The following FAM177A1 variants were observed in gnomAD, a reference collection of about 807,000 sequenced individuals.
The protein encoded by FAM177A1 is protein FAM177A1.
Under a neutral mutation model 26.1 loss-of-function variants are expected in FAM177A1, and 22 were observed. The ratio of observed to expected loss-of-function variants is 0.84; its 90% CI spans 0.60 to 1.20. The LOEUF is 1.20. Ranked by LOEUF, FAM177A1 falls within the 50% of genes most tolerant of loss-of-function variation. The pLI is 0.00. For missense variants in FAM177A1, 296 were observed against 291.1 expected, an observed-to-expected ratio of 1.02 and a Z score of -0.12; for synonymous variants, 95 against 99.3, an observed-to-expected ratio of 0.96 and a Z score of 0.26.
At chr14:35,051,316 C>T (rs2044966367) in intron 1 of FAM177A1, among the ~76,000 whole-genome samples, 1 of 152,058 alleles carries the variant, frequency 6.6e-6, no homozygotes, top group Admixed American at 6.6e-5. Flanking sequence ...GACAGGGTTT[C>T]ACCATGTTGG....
At chr14:35,053,602 A>AT (rs1169077388) in intron 2 of FAM177A1, 151 bp downstream of exon 2, 2 of 746,362 alleles carry the variant, frequency 2.7e-6, no homozygotes, top group Admixed American at 2.9e-5. Context: ...AGAAAATAAT[A>AT]TTTTTACATG....
In FAM177A1 at chr14:35,046,689, G is replaced by A. The variant is rs543069717; in HGVS notation, c.165+61G>A. 1.4e-4 allele frequency: 203 copies of A among 1,485,438 alleles called. 1 individual carries two copies. The South Asian group carries it at 2.3e-3, about 17-fold the overall frequency. 92.0% of individuals were successfully genotyped at this position (1,485,438 alleles called of 1,614,324 possible). On this transcript the variant is annotated intron_variant, in intron 1 of 4. Transcript: ENST00000280987. ...CGAGCCGCCTCCTTGCCTTCTCCGC[G>A]GGCCGCTCTTTTAGCCTGCGCGGCC... is the stretch of plus-strand genomic sequence containing the variant.
At position 35,070,353 on chromosome 14, in the gene FAM177A1, G is replaced by A. The variant is rs551569466; in HGVS notation, c.340-6797G>A. Reference sequence around the variant, plus strand: ...ACAATATTTTTTTTTTCTTTGCGTCGGAGTCTCGCTCTGTCGTCCAGGCTG... The same window carrying A: ...ACAATATTTTTTTTTTCTTTGCGTCAGAGTCTCGCTCTGTCGTCCAGGCTG... On this transcript the variant is annotated intron_variant, in intron 2 of 4. Coordinates refer to ENST00000280987, the MANE Select transcript of FAM177A1 (RefSeq NM_173607.5). 6.7e-5 allele frequency among the ~76,000 whole-genome samples: 10 copies of A among 148,216 alleles called. No individual in the cohort carries two copies. In the East Asian group the frequency reaches 8.1e-4, roughly 12 times the overall value.
intron 4 of FAM177A1, among the ~76,000 whole-genome samples, chr14:35,080,781 CTCTTT>C (rs1440108991): frequency 6.6e-6 from 1 of 152,024 alleles, no homozygotes; most frequent in Non-Finnish European, 1.5e-5. Context: ...CAGAGCAATA[CTCTTT>C]CTCAAAAAAA....
chr14:35,064,853 C>T (rs1195961167), intron 2 of FAM177A1, among the ~76,000 whole-genome samples: 1 of 151,990 alleles, frequency 6.6e-6, no homozygotes, highest in Non-Finnish European at 1.5e-5. Context: ...AGGGTTTCAC[C>T]GTGTTAGCCA....
chr14:35,055,810 A>G (rs2045053458), intron 2 of FAM177A1, among the ~76,000 whole-genome samples: 1 of 152,148 alleles, frequency 6.6e-6, no homozygotes, highest in Non-Finnish European at 1.5e-5. Context: ...TGTAAGGATA[A>G]TGATTTCTCC....
intron 1 of FAM177A1, among the ~76,000 whole-genome samples, chr14:35,048,934 A>T (rs376464826): frequency 6.7e-6 from 1 of 148,890 alleles, no homozygotes; most frequent in Admixed American, 6.8e-5. Context: ...TCTGTGGCCC[A>T]GGCTGGAGTG....
chr14:35,049,225 G>A (rs1026766047), intron 1 of FAM177A1, among the ~76,000 whole-genome samples: 3 of 152,064 alleles, frequency 2.0e-5, no homozygotes, highest in African/African-American at 7.2e-5. Flanking sequence ...CAGCTTCTCT[G>A]AATAGACTTT....
chr14:35,078,621 G>A (rs191453406), intron 3 of FAM177A1, among the ~76,000 whole-genome samples: 3 of 152,084 alleles, frequency 2.0e-5, no homozygotes, highest in Non-Finnish European at 4.4e-5. Context: ...CAAAGTGCTG[G>A]GATTATAGAC....
At chr14:35,058,103 C>T (rs1203706098) in intron 2 of FAM177A1, among the ~76,000 whole-genome samples, 3 of 151,788 alleles carry the variant, frequency 2.0e-5, no homozygotes, top group South Asian at 2.1e-4. Context: ...GACAGAGTTT[C>T]ACTCTTGTTG....
Position 35,046,407 on chromosome 14 carries a change from G to T in FAM177A1, c.-57G>T, listed in dbSNP as rs1287491662. On this transcript the variant is annotated 5_prime_UTR_variant, in exon 1 of 5. Coordinates refer to ENST00000280987, the MANE Select transcript of FAM177A1 (RefSeq NM_173607.5). ...GCGGCGCGAGGCGGGCGCTGGGCGG[G>T]TGAGTCCCACTTCCCGACAGCCTGG... The T allele has an allele frequency of 2.1e-6, 3 of 1,446,936 alleles. No individual in the cohort carries two copies. Among genetic ancestry groups the T allele is most frequent in the Non-Finnish European group, 9.2e-7 (1 of 1,092,324 alleles). 89.6% of individuals were successfully genotyped at this position (1,446,936 alleles called of 1,614,324 possible). A position where few individuals can be genotyped will look rare whatever the true frequency, so the allele number is the denominator to read the frequency against.
chr14:35,068,666 G>A (rs1276908994), intron 2 of FAM177A1, among the ~76,000 whole-genome samples: 1 of 152,162 alleles, frequency 6.6e-6, no homozygotes, highest in African/African-American at 2.4e-5. Flanking sequence ...CCCAGTAACT[G>A]CTCTCTCTTT....
chr14:35,060,502 T>C (rs1192923998), intron 2 of FAM177A1, among the ~76,000 whole-genome samples: 1 of 152,136 alleles, frequency 6.6e-6, no homozygotes, highest in Non-Finnish European at 1.5e-5. Context: ...GGTCATACTT[T>C]TCTGTTTCTT....
In FAM177A1 at chr14:35,081,353, A is replaced by G. The variant is rs144052189; in HGVS notation, c.*125A>G. ...TTTTAAATTATTAAAGTATCTGGAA[A>G]GGGAAAATGTTTTCTTCATTTTTAG... is the stretch of plus-strand genomic sequence containing the variant. On this transcript the variant is annotated 3_prime_UTR_variant, in exon 5 of 5. Transcript: ENST00000280987. 726 of 975,246 alleles carry G rather than the reference A, an allele frequency of 7.4e-4. 4 individuals carry two copies. In the African/African-American group the frequency reaches 0.011, roughly 15 times the overall value. 60.4% of individuals were successfully genotyped at this position (975,246 alleles called of 1,614,324 possible).
chr14:35,059,290 G>T (rs1447959408), intron 2 of FAM177A1, among the ~76,000 whole-genome samples: 4 of 151,790 alleles, frequency 2.6e-5, no homozygotes, highest in African/African-American at 9.7e-5. Flanking sequence ...GAATCTGTTT[G>T]TATTTTTTAA....
At chr14:35,068,509 G>C (rs2045272075) in intron 2 of FAM177A1, among the ~76,000 whole-genome samples, 1 of 152,184 alleles carries the variant, frequency 6.6e-6, no homozygotes, top group African/African-American at 2.4e-5. Flanking sequence ...TTAGAGGGCA[G>C]GGAATAAAAT....
chr14:35,053,114 G>A (rs2045000934), intron 1 of FAM177A1, 164 bp from the exon 2 acceptor site: 1 of 614,998 alleles, frequency 1.6e-6, no homozygotes, highest in East Asian at 2.8e-5. Flanking sequence ...TCTTGACACT[G>A]TACTCCAGCC....
chr14:35,081,138 C>T lies in FAM177A1; in HGVS notation c.621C>T (p.Ser207=), dbSNP rs757634919. The T allele has an allele frequency of 2.2e-5, 36 of 1,613,302 alleles. No individual in the cohort carries two copies. The highest frequency in any genetic ancestry group is 1.6e-4 in the Middle Eastern group (1 of 6,064). ...VQTDQPETVI[S]SSFVNVNFEM... Reference sequence around the variant, plus strand: ...CAGATCAACCAGAGACAGTGATATCCAGCTCATTTGTGAATGTCAATTTTG... The same window carrying T: ...CAGATCAACCAGAGACAGTGATATCTAGCTCATTTGTGAATGTCAATTTTG... Residue 207 remains serine (S), a synonymous_variant, in exon 5 of 5, where the codon TCC becomes TCT. Transcript: ENST00000280987.
At position 35,081,158 on chromosome 14, in the gene FAM177A1, A is replaced by G. The variant is rs148849349; in HGVS notation, c.641A>G (p.Asn214Ser). Residue 214 changes from asparagine (N) to serine (S), a missense_variant, in exon 5 of 5, where the codon AAT becomes AGT. By Grantham distance (46) the Asn-to-Ser change is conservative. Coordinates refer to ENST00000280987, the MANE Select transcript of FAM177A1 (RefSeq NM_173607.5). ...ATATCCAGCTCATTTGTGAATGTCAATTTTGAAATGGAGGGAGACAGTGAA... is the reference window on the plus strand; with the variant it reads ...ATATCCAGCTCATTTGTGAATGTCAGTTTTGAAATGGAGGGAGACAGTGAA... ...TVISSSFVNV[N>S]FEMEGDSEVI... The G allele has an allele frequency of 1.2e-5, 19 of 1,613,642 alleles. No homozygotes were observed. The African/African-American group carries it at 1.7e-4, about 15-fold the overall frequency.
Sources: allele counts gnomAD v4.1 joint callset (sites outside exome capture counted in the v4.1 genomes callset), GRCh38; gene constraint gnomAD v4.1.1; transcripts MANE v1.5; gene names NCBI Gene and HGNC (gene_info 2026-07-23, HGNC 2026-07-21).